The following HS6ST3 variants were observed in gnomAD, a reference collection of about 807,000 sequenced individuals.
HS6ST3 encodes the protein heparan sulfate 6-O-sulfotransferase 3, also known as heparan-sulfate 6-O-sulfotransferase 3.
In HS6ST3, 12 loss-of-function variants were observed where a neutral mutation model predicts 36.7. The ratio of observed to expected loss-of-function variants is 0.33; its 90% CI spans 0.21 to 0.53. The LOEUF (loss-of-function observed/expected upper bound fraction) is 0.53, where lower values mean the gene tolerates loss of function less well. Ranked by LOEUF, HS6ST3 falls within the 20% of genes least tolerant of loss-of-function variation. The pLI is 0.95. For synonymous variants in HS6ST3, 240 were observed against 257.5 expected, an observed-to-expected ratio of 0.93 and a Z score of 0.65; for missense variants, 584 against 640.9, an observed-to-expected ratio of 0.91 and a Z score of 0.96.
At chr13:96,818,272 G>A (rs950528781) in intron 1 of HS6ST3, among the ~76,000 whole-genome samples, 2 of 152,172 alleles carry the variant, frequency 1.3e-5, no homozygotes, top group African/African-American at 4.8e-5. Flanking sequence ...AGGCAGAATT[G>A]CAGCTTCGGA....
At chr13:96,298,548 G>T (rs1246318351) in intron 1 of HS6ST3, among the ~76,000 whole-genome samples, 1 of 152,180 alleles carries the variant, frequency 6.6e-6, no homozygotes, top group African/African-American at 2.4e-5. Context: ...ATTCTCTGAG[G>T]CTGAATGCCT....
At chr13:96,200,313 T>C (rs1040395171) in intron 1 of HS6ST3, among the ~76,000 whole-genome samples, 14 of 152,286 alleles carry the variant, frequency 9.2e-5, no homozygotes, top group African/African-American at 3.1e-4. Flanking sequence ...TTGGAACTTA[T>C]CTCTTATCAC....
rs1177831840 is a variant in HS6ST3, at chr13:96,839,254, G to C, written c.*6056G>C. On this transcript the variant is annotated 3_prime_UTR_variant, in exon 2 of 2. Coordinates refer to ENST00000376705, the MANE Select transcript of HS6ST3 (RefSeq NM_153456.4). ...TTCTCAGAAGTACTTCTGGGGCTTT[G>C]ATTGCATTATTTCTCTTTTAATGTA... is the stretch of plus-strand genomic sequence containing the variant. The C allele has an allele frequency of 1.3e-5, 2 of 151,362 alleles. No individual in the cohort carries two copies. Among genetic ancestry groups the C allele is most frequent in the East Asian group, 1.9e-4 (1 of 5,172 alleles). 9.4% of individuals were successfully genotyped at this position (151,362 alleles called of 1,614,324 possible). A position where few individuals can be genotyped will look rare whatever the true frequency, so the allele number is the denominator to read the frequency against.
intron 1 of HS6ST3, among the ~76,000 whole-genome samples, chr13:96,388,541 G>A (rs1285850783): frequency 1.3e-5 from 2 of 152,134 alleles, no homozygotes; most frequent in South Asian, 2.1e-4. Flanking sequence ...AGAAGTATAC[G>A]AATATACCTA....
At chr13:96,530,374 C>T (rs2056130855) in intron 1 of HS6ST3, among the ~76,000 whole-genome samples, 1 of 152,146 alleles carries the variant, frequency 6.6e-6, no homozygotes, top group Non-Finnish European at 1.5e-5. Context: ...ACCAGATTTG[C>T]AGTAGGTTCT....
chr13:96,272,440 A>G (rs78398825), intron 1 of HS6ST3, among the ~76,000 whole-genome samples: 1 of 151,948 alleles, frequency 6.6e-6, no homozygotes, highest in East Asian at 1.9e-4. Context: ...GAGTATAGGA[A>G]TTCCTCCTCC....
chr13:96,393,404 A>C (rs1204813557), intron 1 of HS6ST3, among the ~76,000 whole-genome samples: 1 of 152,206 alleles, frequency 6.6e-6, no homozygotes, highest in Non-Finnish European at 1.5e-5. Context: ...TCCAATTTAT[A>C]ATAACTTAAA....
intron 1 of HS6ST3, among the ~76,000 whole-genome samples, chr13:96,740,176 A>ACACT (rs1876401752): frequency 1.3e-5 from 2 of 152,192 alleles, no homozygotes; most frequent in East Asian, 3.9e-4. Context: ...ACCAGAATGT[A>ACACT]CACTCCTTCA....
At chr13:96,105,130 A>G (rs2053835805) in intron 1 of HS6ST3, among the ~76,000 whole-genome samples, 1 of 151,870 alleles carries the variant, frequency 6.6e-6, no homozygotes, top group African/African-American at 2.4e-5. Context: ...GTACAGGTGC[A>G]AAGTCAGATT....
intron 1 of HS6ST3, among the ~76,000 whole-genome samples, chr13:96,432,334 G>C (rs1389319819): frequency 1.3e-5 from 2 of 152,110 alleles, no homozygotes; most frequent in Admixed American, 6.5e-5. Flanking sequence ...AAACTTTATA[G>C]TGTTATATTT....
chr13:96,680,925 C>T (rs185964474), intron 1 of HS6ST3, among the ~76,000 whole-genome samples: 6 of 152,314 alleles, frequency 3.9e-5, no homozygotes, highest in African/African-American at 1.2e-4. Flanking sequence ...ATGCTGGCTT[C>T]GCTACTGACT....
At chr13:96,621,295 G>A (rs1566413402) in intron 1 of HS6ST3, among the ~76,000 whole-genome samples, 1 of 152,172 alleles carries the variant, frequency 6.6e-6, no homozygotes. Context: ...GGAAGTGATT[G>A]GATCATGGGG....
intron 1 of HS6ST3, among the ~76,000 whole-genome samples, chr13:96,829,521 C>T (rs1258843547): frequency 1.3e-5 from 2 of 151,964 alleles, no homozygotes; most frequent in Non-Finnish European, 2.9e-5. Context: ...CTGTTGTTCC[C>T]GTCTATGTGT....
chr13:96,640,980 G>C (rs562690458), intron 1 of HS6ST3, among the ~76,000 whole-genome samples: 53 of 151,950 alleles, frequency 3.5e-4, no homozygotes, highest in African/African-American at 1.3e-3. Flanking sequence ...GAAGTCAGGT[G>C]ATATGATGCC....
At chr13:96,244,812 A>G (rs2054577309) in intron 1 of HS6ST3, among the ~76,000 whole-genome samples, 1 of 152,178 alleles carries the variant, frequency 6.6e-6, no homozygotes, top group South Asian at 2.1e-4. Flanking sequence ...TCTGCCAAAT[A>G]TGATGTATTC....
At chr13:96,486,558 C>G (rs1018612249) in intron 1 of HS6ST3, among the ~76,000 whole-genome samples, 35 of 152,302 alleles carry the variant, frequency 2.3e-4, no homozygotes, top group African/African-American at 8.2e-4. Context: ...GTTCGCCATT[C>G]TAACTGGTGT....
At chr13:96,754,878 A>G (rs1876785263) in intron 1 of HS6ST3, among the ~76,000 whole-genome samples, 1 of 152,146 alleles carries the variant, frequency 6.6e-6, no homozygotes, top group Non-Finnish European at 1.5e-5. Context: ...ATTACATTAT[A>G]GGTGTAACGT....
chr13:96,635,890 G>A (rs550414903), intron 1 of HS6ST3, among the ~76,000 whole-genome samples: 43 of 152,162 alleles, frequency 2.8e-4, no homozygotes, highest in South Asian at 1.7e-3. Context: ...AATACTACAC[G>A]CAGGGTATAG....
chr13:96,347,427 C>T (rs2055161174), intron 1 of HS6ST3, among the ~76,000 whole-genome samples: 1 of 152,164 alleles, frequency 6.6e-6, no homozygotes. Context: ...ATTATTTCCT[C>T]AGTCATTGTT....
Sources: allele counts gnomAD v4.1 joint callset (sites outside exome capture counted in the v4.1 genomes callset), GRCh38; gene constraint gnomAD v4.1.1; transcripts MANE v1.5; gene names NCBI Gene and HGNC (gene_info 2026-07-23, HGNC 2026-07-21).